The following C3orf20 variants were observed in gnomAD, a reference collection of about 807,000 sequenced individuals.
C3orf20 encodes the protein uncharacterized protein C3orf20.
Under a neutral mutation model 88.3 loss-of-function variants are expected in C3orf20, and 76 were observed. The ratio of observed to expected loss-of-function variants is 0.86; its 90% CI spans 0.72 to 1.04. The LOEUF is 1.04. C3orf20 is among the 50% of genes least tolerant of loss of function. The probability of loss-of-function intolerance (pLI) is 0.00; values close to 1 mark genes in which losing one functional copy is unlikely to be tolerated. For missense variants in C3orf20, 1,056 were observed against 1,123.3 expected, an observed-to-expected ratio of 0.94 and a Z score of 0.86; for synonymous variants, 436 against 437.4, an observed-to-expected ratio of 1.00 and a Z score of 0.04.
At chr3:14,689,208 C>G (rs1046712564) in intron 4 of C3orf20, among the ~76,000 whole-genome samples, 5 of 152,088 alleles carry the variant, frequency 3.3e-5, no homozygotes, top group Non-Finnish European at 7.4e-5. Flanking sequence ...TTCATTTCTA[C>G]CAAGTTAGAA....
At chr3:14,732,777 C>T (rs567522480) in intron 12 of C3orf20, among the ~76,000 whole-genome samples, 93 of 152,134 alleles carry the variant, frequency 6.1e-4, no homozygotes, top group African/African-American at 2.1e-3. Flanking sequence ...CTGGCCTAAC[C>T]CAATGTCACA....
chr3:14,720,903 C>T (rs540997459), intron 9 of C3orf20, among the ~76,000 whole-genome samples: 6 of 152,290 alleles, frequency 3.9e-5, no homozygotes, highest in East Asian at 1.9e-4. Flanking sequence ...TGAGATTCAG[C>T]GAAGCTAACT....
chr3:14,762,139 A>G (rs1279489819), intron 15 of C3orf20, among the ~76,000 whole-genome samples: 1 of 152,142 alleles, frequency 6.6e-6, no homozygotes, highest in Non-Finnish European at 1.5e-5. Context: ...TGACGCGATC[A>G]TAGCTCACTG....
intron 15 of C3orf20, among the ~76,000 whole-genome samples, chr3:14,771,681 G>T (rs2035861757): frequency 6.6e-6 from 1 of 152,238 alleles, no homozygotes; most frequent in South Asian, 2.1e-4. Flanking sequence ...GGGTCTTGGG[G>T]TTTAGGACTT....
intron 15 of C3orf20, among the ~76,000 whole-genome samples, chr3:14,771,660 G>A (rs1295507805): frequency 6.6e-6 from 1 of 152,228 alleles, no homozygotes; most frequent in Non-Finnish European, 1.5e-5. Flanking sequence ...TCCAAATAAG[G>A]CCACGTTCCG....
At chr3:14,689,681 G>A (rs2032616156) in intron 4 of C3orf20, among the ~76,000 whole-genome samples, 1 of 150,846 alleles carries the variant, frequency 6.6e-6, no homozygotes, top group East Asian at 1.9e-4. Context: ...TCTTGACCTG[G>A]TGCAGCACTG....
At position 14,714,079 on chromosome 3, in the gene C3orf20, T is replaced by C; in HGVS notation, c.1233T>C (p.Phe411=). The C allele has an allele frequency of 6.2e-7, 1 of 1,614,132 alleles. No homozygotes were observed. The highest frequency in any genetic ancestry group is 8.5e-7 in the Non-Finnish European group (1 of 1,180,006). ...CCRGRTITCL[F]NDIPGFSLLA... ...GAGGGAGAACCATCACCTGCCTCTT[T>C]AATGACATACCTGGATTCTCCTTGC... The change falls in exon 8 of 17, where the codon TTT becomes TTC. Residue 411 remains phenylalanine, a synonymous_variant. Transcript: ENST00000253697.
chr3:14,675,293 A>G (rs1404363573), intron 1 of C3orf20, 41 bp downstream of exon 1: 1 of 152,230 alleles, frequency 6.6e-6, no homozygotes, highest in East Asian at 1.9e-4. Context: ...GACCCACTGA[A>G]AAAATGAGAG....
chr3:14,758,483 A>G (rs1172430406), intron 13 of C3orf20, among the ~76,000 whole-genome samples: 2 of 152,184 alleles, frequency 1.3e-5, no homozygotes, highest in African/African-American at 2.4e-5. Context: ...TCCCAGCAAC[A>G]TTGGCACAGT....
rs560527854 is a variant in C3orf20 at position 14,728,107 on chromosome 3, C to CA, written c.1691-331dup. ...AACAGCATTCTCAAGGAAGGAATAG[C>CA]ATGGGCCAGGAATGCATTGTGTAGC... On this transcript the variant is annotated intron_variant, in intron 11 of 16. Transcript: ENST00000253697. Among the ~76,000 whole-genome samples, 8 of 152,342 alleles carry CA rather than the reference C, an allele frequency of 5.3e-5. No individual in the cohort carries two copies. In the South Asian group the frequency reaches 1.7e-3, roughly 32 times the overall value.
intron 12 of C3orf20, among the ~76,000 whole-genome samples, chr3:14,746,292 C>T: frequency 6.6e-6 from 1 of 152,112 alleles, no homozygotes; most frequent in East Asian, 1.9e-4. Context: ...GGGGAACTGG[C>T]AAACTCTGAT....
At chr3:14,679,084 A>G (rs560043165) in intron 1 of C3orf20, among the ~76,000 whole-genome samples, 1 of 152,288 alleles carries the variant, frequency 6.6e-6, no homozygotes, top group South Asian at 2.1e-4. Flanking sequence ...TCTTCCTAGA[A>G]TGCCTGTCTT....
chr3:14,765,950 G>T (rs1281990814), intron 15 of C3orf20, among the ~76,000 whole-genome samples: 5 of 152,244 alleles, frequency 3.3e-5, no homozygotes, highest in African/African-American at 1.2e-4. Flanking sequence ...CTGTCACCTG[G>T]CAGGTAGATT....
chr3:14,677,702 T>C (rs1469072021), intron 1 of C3orf20, among the ~76,000 whole-genome samples: 1 of 152,144 alleles, frequency 6.6e-6, no homozygotes, highest in African/African-American at 2.4e-5. Context: ...GGTTTCACCA[T>C]GTTGGCCAGG....
intron 1 of C3orf20, among the ~76,000 whole-genome samples, chr3:14,680,945 C>T (rs1192009257): frequency 6.6e-6 from 1 of 152,206 alleles, no homozygotes; most frequent in Non-Finnish European, 1.5e-5. Flanking sequence ...ATCTGCAAAG[C>T]TGAGGAATGG....
intron 12 of C3orf20, among the ~76,000 whole-genome samples, chr3:14,729,079 C>T (rs1457229830): frequency 6.6e-6 from 1 of 152,176 alleles, no homozygotes; most frequent in East Asian, 1.9e-4. Flanking sequence ...AACACGGCTA[C>T]ACCCACTCAT....
At chr3:14,682,544 A>G (rs2032148323) in intron 2 of C3orf20, 34 bp from the exon 3 acceptor site, 7 of 866,948 alleles carry the variant, frequency 8.1e-6, no homozygotes, top group Middle Eastern at 3.6e-4. Flanking sequence ...CTATGGGGAG[A>G]GTGACTAACT....
chr3:14,696,294 C>T (rs1323277580), intron 5 of C3orf20, among the ~76,000 whole-genome samples: 1 of 151,148 alleles, frequency 6.6e-6, no homozygotes, highest in Admixed American at 6.6e-5. Flanking sequence ...ACCTTAACTT[C>T]ATCCCCCCAC....
chr3:14,734,315 T>G (rs556385315), intron 12 of C3orf20, among the ~76,000 whole-genome samples: 6 of 152,228 alleles, frequency 3.9e-5, no homozygotes, highest in African/African-American at 1.4e-4. Context: ...TTTCTTTTTC[T>G]TTTTTGAATA....
Sources: allele counts gnomAD v4.1 joint callset (sites outside exome capture counted in the v4.1 genomes callset), GRCh38; gene constraint gnomAD v4.1.1; transcripts MANE v1.5; gene names NCBI Gene and HGNC (gene_info 2026-07-23, HGNC 2026-07-21).